Variants in TMEM132C observed in about 807,000 individuals in gnomAD.
TMEM132C encodes the protein transmembrane protein 132C, also known as protein phosphatase 1, regulatory subunit 152.
Under a neutral mutation model 61.4 loss-of-function variants are expected in TMEM132C, and 29 were observed. The ratio of observed to expected loss-of-function variants is 0.47; its 90% CI spans 0.35 to 0.64. TMEM132C has a LOEUF of 0.64. Ranked by LOEUF, TMEM132C falls within the 30% of genes least tolerant of loss-of-function variation. The pLI is 0.00. For missense variants in TMEM132C, 1,408 were observed against 1,476.9 expected (o/e 0.95, Z 0.76); for synonymous variants, 656 against 633.1 (o/e 1.04, Z -0.54).
chr12:128,293,813 C>G (rs1211432542), intron 1 of TMEM132C, among the ~76,000 whole-genome samples: 1 of 152,214 alleles, frequency 6.6e-6, no homozygotes, highest in Non-Finnish European at 1.5e-5. Flanking sequence ...CGCATCGTCT[C>G]TGTCACCTCC....
At chr12:128,625,459 G>T (rs889411935) in intron 4 of TMEM132C, among the ~76,000 whole-genome samples, 12 of 152,278 alleles carry the variant, frequency 7.9e-5, no homozygotes, top group African/African-American at 2.6e-4. Flanking sequence ...CCAAATATGG[G>T]AAGAAAAAGA....
At chr12:128,681,961 T>C (rs112910468) in intron 5 of TMEM132C, among the ~76,000 whole-genome samples, 5,609 of 151,956 alleles carry the variant, frequency 0.037, 310 homozygotes, top group African/African-American at 0.13. Context: ...TGAGCCACCG[T>C]GCCCGGCCCA....
intron 2 of TMEM132C, among the ~76,000 whole-genome samples, chr12:128,425,209 T>G (rs796267906): frequency 1.4e-4 from 22 of 152,340 alleles, no homozygotes; most frequent in African/African-American, 5.3e-4. Context: ...ACTATCTCCA[T>G]GATGCAGACG....
chr12:128,572,957 T>A (rs1429085417), intron 3 of TMEM132C, among the ~76,000 whole-genome samples: 1 of 152,184 alleles, frequency 6.6e-6, no homozygotes, highest in Non-Finnish European at 1.5e-5. Flanking sequence ...AAACAACAGG[T>A]GCTGGAGAGG....
At chr12:128,469,082 A>C (rs1870841057) in intron 2 of TMEM132C, among the ~76,000 whole-genome samples, 2 of 152,192 alleles carry the variant, frequency 1.3e-5, no homozygotes, top group South Asian at 4.1e-4. Flanking sequence ...TCAGACTTGT[A>C]GGGGAAGCAA....
chr12:128,437,039 C>T (rs1246109394), intron 2 of TMEM132C, among the ~76,000 whole-genome samples: 6 of 152,076 alleles, frequency 3.9e-5, no homozygotes, highest in Admixed American at 6.5e-5. Flanking sequence ...AGCAAACTAT[C>T]ACAAGGACAG....
chr12:128,417,242 C>T (rs529668307), intron 2 of TMEM132C, among the ~76,000 whole-genome samples: 116 of 152,188 alleles, frequency 7.6e-4, no homozygotes, highest in African/African-American at 1.7e-3. Context: ...GGAGACAGAA[C>T]GTCTCCAGCA....
At chr12:128,362,755 G>A (rs1873745710) in intron 1 of TMEM132C, among the ~76,000 whole-genome samples, 1 of 152,142 alleles carries the variant, frequency 6.6e-6, no homozygotes, top group African/African-American at 2.4e-5. Flanking sequence ...GACTTTTCAG[G>A]TTAGGAATGC....
chr12:128,512,922 A>G (rs902026688), intron 2 of TMEM132C, among the ~76,000 whole-genome samples: 22 of 152,232 alleles, frequency 1.4e-4, no homozygotes, highest in Non-Finnish European at 1.5e-4. Context: ...ATCTGAGTTC[A>G]TGCGACAGAC....
At chr12:128,645,519 C>T (rs1358587924) in intron 4 of TMEM132C, among the ~76,000 whole-genome samples, 14 of 152,192 alleles carry the variant, frequency 9.2e-5, no homozygotes, top group Admixed American at 9.2e-4. Flanking sequence ...GTCACACCCC[C>T]AAATCCTCAC....
chr12:128,653,160 G>A (rs1954289458), intron 4 of TMEM132C, among the ~76,000 whole-genome samples: 1 of 151,944 alleles, frequency 6.6e-6, no homozygotes, highest in African/African-American at 2.4e-5. Context: ...GATGAAAGAA[G>A]CCAGGCACAA....
chr12:128,552,717 A>G (rs1874212240), intron 3 of TMEM132C, among the ~76,000 whole-genome samples: 1 of 152,144 alleles, frequency 6.6e-6, no homozygotes, highest in African/African-American at 2.4e-5. Context: ...AAGGAATTTG[A>G]GACCAGCAGG....
intron 2 of TMEM132C, among the ~76,000 whole-genome samples, chr12:128,466,763 C>A (rs938031438): frequency 2.0e-5 from 3 of 152,252 alleles, no homozygotes; most frequent in Middle Eastern, 3.4e-3. Context: ...GGTGATCCAC[C>A]CGCCTCGGCC....
chr12:128,546,636 C>T (rs1190426127), intron 3 of TMEM132C, among the ~76,000 whole-genome samples: 1 of 152,134 alleles, frequency 6.6e-6, no homozygotes, highest in Non-Finnish European at 1.5e-5. Context: ...AGAATAATGG[C>T]ATCTGAGGCA....
intron 1 of TMEM132C, among the ~76,000 whole-genome samples, chr12:128,306,306 A>G (rs1359814062): frequency 6.7e-6 from 1 of 149,366 alleles, no homozygotes; most frequent in Non-Finnish European, 1.5e-5. Flanking sequence ...GGGTTCTGCC[A>G]TACTCCTGCC....
chr12:128,698,572 A>G (rs1021902423), intron 8 of TMEM132C, among the ~76,000 whole-genome samples: 2 of 152,252 alleles, frequency 1.3e-5, no homozygotes, highest in Non-Finnish European at 2.9e-5. Flanking sequence ...ATTAGGCTTA[A>G]CGATGTTGAC....
intron 4 of TMEM132C, among the ~76,000 whole-genome samples, chr12:128,647,891 C>T (rs1353583503): frequency 2.0e-5 from 3 of 147,072 alleles, no homozygotes; most frequent in Non-Finnish European, 4.4e-5. Context: ...AGTCCATTAG[C>T]GTTGGATGTG....
chr12:128,597,707 T>C (rs1226572048), intron 3 of TMEM132C, among the ~76,000 whole-genome samples: 1 of 152,152 alleles, frequency 6.6e-6, no homozygotes. Flanking sequence ...CCAGAGAAGA[T>C]AGAAAATGAA....
At chr12:128,390,138 TG>T (rs1874715381) in intron 1 of TMEM132C, among the ~76,000 whole-genome samples, 1 of 152,160 alleles carries the variant, frequency 6.6e-6, no homozygotes, top group East Asian at 1.9e-4. Context: ...CCCAAAGCGC[TG>T]GGATTACAGG....
Sources: gnomAD v4.1 joint callset for allele counts (sites outside exome capture counted in the v4.1 genomes callset) on GRCh38, gnomAD v4.1.1 for gene constraint, MANE v1.5 for transcripts, NCBI Gene and HGNC (gene_info 2026-07-23, HGNC 2026-07-21) for gene names.